The following SEPTIN11 variants were observed in gnomAD, a reference collection of about 807,000 sequenced individuals.
The protein encoded by SEPTIN11 is septin 11, also known as septin-11.
SEPTIN11 carries 25 observed loss-of-function variants against 51.4 expected under a neutral mutation model. That is an observed-to-expected ratio of 0.49 (90% CI 0.35 to 0.68). The LOEUF (loss-of-function observed/expected upper bound fraction) is 0.68, where lower values mean the gene tolerates loss of function less well. Ranked by LOEUF, SEPTIN11 falls within the 30% of genes least tolerant of loss-of-function variation. The pLI, the probability that SEPTIN11 is intolerant of heterozygous loss-of-function variation, is 0.00. For synonymous variants in SEPTIN11, 174 were observed against 184.1 expected (o/e 0.95, Z 0.44); for missense variants, 381 against 520.8 (o/e 0.73, Z 2.61).
At chr4:76,991,273 G>A (rs1203391278) in intron 1 of SEPTIN11, among the ~76,000 whole-genome samples, 2 of 152,194 alleles carry the variant, frequency 1.3e-5, no homozygotes, top group African/African-American at 4.8e-5. Flanking sequence ...ATGTATGAGA[G>A]AGCCTAGCAC....
At position 77,037,779 on chromosome 4, in the gene SEPTIN11, A is replaced by G; in HGVS notation, c.*3267A>G. 1 of 985,906 alleles carries G rather than the reference A, an allele frequency of 1.0e-6. No homozygotes were observed. Among genetic ancestry groups the G allele is most frequent in the Non-Finnish European group, 1.2e-6 (1 of 829,940 alleles). The allele number at this position is 985,906 out of a possible 1,614,324, so 61.1% of individuals were successfully genotyped here. On this transcript the variant is annotated 3_prime_UTR_variant, in exon 10 of 10. Coordinates refer to ENST00000264893, the MANE Select transcript of SEPTIN11 (RefSeq NM_018243.4). ...TGGCAGTTCAGATTGTGTTTTCCCA[A>G]CTTAGGCTCTTTATTAATTGGTTAA...
intron 1 of SEPTIN11, among the ~76,000 whole-genome samples, chr4:76,981,432 A>C (rs1722766445): frequency 6.6e-6 from 1 of 152,200 alleles, no homozygotes; most frequent in Non-Finnish European, 1.5e-5. Flanking sequence ...ACTTTGAGAA[A>C]AGAGGAAAAT....
At chr4:76,954,619 G>A (rs891841327) in intron 1 of SEPTIN11, among the ~76,000 whole-genome samples, 4 of 152,202 alleles carry the variant, frequency 2.6e-5, no homozygotes, top group African/African-American at 9.6e-5. Context: ...ACTTCTAAAA[G>A]GAATTTGCTG....
At position 77,024,233 on chromosome 4, in the gene SEPTIN11, C is replaced by A. The variant is rs1476135139; in HGVS notation, c.953+3563C>A. On this transcript the variant is annotated intron_variant, in intron 7 of 9. Coordinates refer to ENST00000264893, the MANE Select transcript of SEPTIN11 (RefSeq NM_018243.4). The surrounding 1 kb of genome is among the most constrained non-coding windows in gnomAD (Gnocchi z 4.2). Reference sequence around the variant, plus strand: ...GCTAGCGGAGCCCGTCCCTGGGGTGCCTTTAAACCCGCCTGCATTCACACT... The same window carrying A: ...GCTAGCGGAGCCCGTCCCTGGGGTGACTTTAAACCCGCCTGCATTCACACT... Among the ~76,000 whole-genome samples, 1 of 152,156 alleles carries A rather than the reference C, an allele frequency of 6.6e-6. No homozygotes were observed. The highest frequency in any genetic ancestry group is 2.4e-5 in the African/African-American group (1 of 41,426).
rs1055913991 is a variant in SEPTIN11, at chr4:77,037,271, A to C, written c.*2759A>C. The stretch of plus-strand genomic sequence containing the variant: ...CAGCTACTTGGGAGGCTAAGTCAGG[A>C]GAATTGCTTGAACTTGGGAGATGGA... On this transcript the variant is annotated 3_prime_UTR_variant, in exon 10 of 10. Coordinates refer to ENST00000264893, the MANE Select transcript of SEPTIN11 (RefSeq NM_018243.4). 1 of 696,412 alleles carries C rather than the reference A, an allele frequency of 1.4e-6. No individual in the cohort carries two copies. Among genetic ancestry groups the C allele is most frequent in the African/African-American group, 1.9e-5 (1 of 51,354 alleles). 43.1% of individuals were successfully genotyped at this position (696,412 alleles called of 1,614,324 possible).
Position 77,020,626 on chromosome 4 carries a change from A to C in SEPTIN11, c.909A>C (p.Glu303Asp), listed in dbSNP as rs762430454. The change falls in exon 7 of 10, where the codon GAA becomes GAC. Residue 303 changes from glutamate to aspartate, a missense_variant. Physicochemically the swap from Glu to Asp is conservative, Grantham distance 45. Transcript: ENST00000264893. ...AATTGTACCGACGCTGTAAGCTTGA[A>C]GAGATGGGGTTCAAGGACACTGACC... is the stretch of plus-strand genomic sequence containing the variant. ...HYELYRRCKL[E>D]EMGFKDTDPD... 3.7e-6 allele frequency: 6 copies of C among 1,614,006 alleles called. No individual in the cohort carries two copies. In the East Asian group the frequency reaches 1.1e-4, roughly 30 times the overall value.
At chr4:76,958,751 C>T (rs934247993) in intron 1 of SEPTIN11, 3 of 607,786 alleles carry the variant, frequency 4.9e-6, no homozygotes, top group African/African-American at 3.8e-5. Context: ...TATTGTCACC[C>T]AGATGGCAAT....
chr4:77,012,020 C>G, intron 4 of SEPTIN11, 99 bp downstream of exon 4: 2 of 1,033,860 alleles, frequency 1.9e-6, no homozygotes, highest in Non-Finnish European at 2.8e-6. Context: ...TTTTTTTTTT[C>G]CTGGATTACA....
At chr4:77,029,292 G>A (rs1283476984) in intron 8 of SEPTIN11, among the ~76,000 whole-genome samples, 1 of 152,096 alleles carries the variant, frequency 6.6e-6, no homozygotes, top group Non-Finnish European at 1.5e-5. Context: ...CTTCCTAGAA[G>A]TTAACATAGA....
intron 1 of SEPTIN11, among the ~76,000 whole-genome samples, chr4:76,967,152 A>G (rs1722066890): frequency 1.3e-5 from 2 of 152,218 alleles, no homozygotes; most frequent in African/African-American, 2.4e-5. Context: ...AGCCAAGATC[A>G]TGCCCCTTTA....
At chr4:77,000,311 TAATCAAATCTTA>T (rs1255310375) in intron 2 of SEPTIN11, among the ~76,000 whole-genome samples, 1 of 152,242 alleles carries the variant, frequency 6.6e-6, no homozygotes, top group African/African-American at 2.4e-5. Flanking sequence ...TGGAAATTTA[TAATCAAATCTTA>T]AACATTTTTA....
chr4:76,968,646 C>T (rs1244342219), intron 1 of SEPTIN11, among the ~76,000 whole-genome samples: 4 of 151,914 alleles, frequency 2.6e-5, no homozygotes, highest in South Asian at 2.1e-4. Flanking sequence ...TCTTCTTTTC[C>T]GAAGCCTACT....
At chr4:76,973,023 A>T (rs1722314764) in intron 1 of SEPTIN11, 1 of 152,154 alleles carries the variant, frequency 6.6e-6, no homozygotes, top group South Asian at 2.1e-4. Context: ...CCCAAATGTG[A>T]TGTTACACAT....
At chr4:76,959,787 C>G (rs1001731424) in intron 1 of SEPTIN11, among the ~76,000 whole-genome samples, 2 of 152,092 alleles carry the variant, frequency 1.3e-5, no homozygotes, top group Non-Finnish European at 2.9e-5. Flanking sequence ...TAACATTGAA[C>G]AGTTTTAAGG....
downstream of SEPTIN11, chr4:77,038,667 T>A (rs770345635): frequency 3.0e-6 from 3 of 1,008,756 alleles, no homozygotes; most frequent in Non-Finnish European, 3.6e-6. Context: ...GGTTTGCATA[T>A]GTACACGTGC....
chr4:77,027,960 T>A (rs1407278653), intron 7 of SEPTIN11, among the ~76,000 whole-genome samples: 1 of 152,060 alleles, frequency 6.6e-6, no homozygotes, highest in African/African-American at 2.4e-5. Flanking sequence ...ACTGGTAATA[T>A]ACTTGAAAAG....
At chr4:76,961,860 C>A (rs544807796) in intron 1 of SEPTIN11, among the ~76,000 whole-genome samples, 40 of 152,326 alleles carry the variant, frequency 2.6e-4, no homozygotes, top group Middle Eastern at 3.4e-3. Context: ...TCTGCACCTG[C>A]CAACAGAATT....
chr4:77,029,643 T>A (rs1726451081), intron 8 of SEPTIN11, among the ~76,000 whole-genome samples: 2 of 151,938 alleles, frequency 1.3e-5, no homozygotes, highest in Admixed American at 6.6e-5. Context: ...TTCCTTCCTT[T>A]CCTTTTCTTT....
chr4:77,008,892 C>CATT (rs1724673103), intron 3 of SEPTIN11, among the ~76,000 whole-genome samples: 1 of 152,148 alleles, frequency 6.6e-6, no homozygotes, highest in African/African-American at 2.4e-5. Flanking sequence ...AGGAATGGGG[C>CATT]TAGCAAAAGG....
Sources: gnomAD v4.1 joint callset for allele counts (sites outside exome capture counted in the v4.1 genomes callset) on GRCh38, gnomAD v4.1.1 for gene constraint, Gnocchi (gnomAD v3.1) non-coding constraint, MANE v1.5 for transcripts, NCBI Gene and HGNC (gene_info 2026-07-23, HGNC 2026-07-21) for gene names.